CDH4: variants seen among roughly 807,000 people sequenced by gnomAD.
CDH4 encodes cadherin 4.
Under a neutral mutation model 86.0 loss-of-function variants are expected in CDH4, and 33 were observed. The ratio of observed to expected loss-of-function variants is 0.38; its 90% confidence interval spans 0.29 to 0.51. The LOEUF is 0.51. CDH4 is among the 20% of genes least tolerant of loss of function. The pLI is 0.86. For synonymous variants in CDH4, 555 were observed against 549.4 expected (o/e 1.01, Z -0.14); for missense variants, 1,114 against 1,307.4 (o/e 0.85, Z 2.28).
At chr20:61,608,710 C>T (rs918858668) in intron 2 of CDH4, among the ~76,000 whole-genome samples, 2 of 152,250 alleles carry the variant, frequency 1.3e-5, no homozygotes, top group African/African-American at 4.8e-5. Flanking sequence ...CCACCACCTG[C>T]ACTTCCTCAT....
At chr20:61,735,214 A>T (rs1226560004) in intron 2 of CDH4, among the ~76,000 whole-genome samples, 1 of 152,128 alleles carries the variant, frequency 6.6e-6, no homozygotes, top group Non-Finnish European at 1.5e-5. Context: ...GTGGGCACAG[A>T]GCTCAGGAGG....
intron 15 of CDH4, among the ~76,000 whole-genome samples, chr20:61,935,177 C>T (rs764327953): frequency 6.6e-6 from 1 of 152,212 alleles, no homozygotes; most frequent in Admixed American, 6.5e-5. Context: ...ACCTGCTCGC[C>T]GATGCCCACT....
chr20:61,389,822 C>T (rs1033332486), intron 2 of CDH4, among the ~76,000 whole-genome samples: 5 of 152,234 alleles, frequency 3.3e-5, no homozygotes, highest in African/African-American at 7.2e-5. Context: ...TGGGAAACCC[C>T]GATTGACATC....
chr20:61,330,422 A>T (rs1470003088), intron 2 of CDH4, among the ~76,000 whole-genome samples: 1 of 152,140 alleles, frequency 6.6e-6, no homozygotes, highest in East Asian at 1.9e-4. Context: ...CTGGCATGAG[A>T]TGGTATCTCA....
chr20:61,682,166 G>C (rs1460783025), intron 2 of CDH4, among the ~76,000 whole-genome samples: 1 of 152,140 alleles, frequency 6.6e-6, no homozygotes, highest in Non-Finnish European at 1.5e-5. Context: ...TGGACAGGTG[G>C]ATGGGTAGAT....
chr20:61,583,873 C>T (rs2007343), intron 2 of CDH4, among the ~76,000 whole-genome samples: 38,963 of 152,160 alleles, frequency 0.26, 5,405 homozygotes, highest in African/African-American at 0.36. Context: ...AAAATATTCA[C>T]TGGGGCAGGA....
At position 61,811,447 on chromosome 20, in the gene CDH4, A is replaced by G. The variant is rs1006095513; in HGVS notation, c.577-33221A>G. ...ATCTGAAGCAAGGAAAAAACAGCAG[A>G]CATCTATCTGTATGCTTTTGCCATG... On this transcript the variant is annotated intron_variant, in intron 4 of 15. Coordinates refer to ENST00000614565, the MANE Select transcript of CDH4 (RefSeq NM_001794.5). This position sits in a 1 kb window ranked among gnomAD's most constrained non-coding sequence, Gnocchi z 4.4. 6.6e-6 allele frequency among the ~76,000 whole-genome samples: 1 copy of G among 152,230 alleles called. No individual in the cohort carries two copies. Among genetic ancestry groups the G allele is most frequent in the Non-Finnish European group, 1.5e-5 (1 of 68,052 alleles).
intron 8 of CDH4, among the ~76,000 whole-genome samples, chr20:61,897,821 C>A (rs542657599): frequency 6.2e-4 from 95 of 152,362 alleles, no homozygotes; most frequent in Non-Finnish European, 1.0e-3. Flanking sequence ...GATCACGGGG[C>A]AGGGGAACGG....
intron 7 of CDH4, among the ~76,000 whole-genome samples, chr20:61,875,307 G>A (rs964715587): frequency 6.6e-6 from 1 of 152,220 alleles, no homozygotes; most frequent in African/African-American, 2.4e-5. Flanking sequence ...TGGTGCCCAG[G>A]GTAACACATG....
intron 7 of CDH4, among the ~76,000 whole-genome samples, chr20:61,885,808 A>C (rs1016654395): frequency 2.2e-4 from 34 of 152,290 alleles, no homozygotes; most frequent in African/African-American, 7.7e-4. Flanking sequence ...GTGCAGCCTG[A>C]GGATGAGACG....
chr20:61,857,597 C>T (rs1047439023), intron 6 of CDH4, among the ~76,000 whole-genome samples: 2 of 152,288 alleles, frequency 1.3e-5, no homozygotes, highest in African/African-American at 4.8e-5. Context: ...AGCCCTCACT[C>T]CGTCCACCCA....
chr20:61,390,203 C>T (rs1247711698), intron 2 of CDH4, among the ~76,000 whole-genome samples: 3 of 145,820 alleles, frequency 2.1e-5, no homozygotes, highest in African/African-American at 5.1e-5. Flanking sequence ...CGATTGAGAT[C>T]GTGCGGTCAT....
chr20:61,735,506 C>A (rs903219556), intron 2 of CDH4, among the ~76,000 whole-genome samples: 3 of 152,084 alleles, frequency 2.0e-5, no homozygotes, highest in African/African-American at 7.2e-5. Flanking sequence ...CCAATGCAGA[C>A]CCCCAAGGGG....
At chr20:61,777,307 G>A (rs1202295615) in intron 4 of CDH4, among the ~76,000 whole-genome samples, 1 of 152,168 alleles carries the variant, frequency 6.6e-6, no homozygotes, top group East Asian at 1.9e-4. Flanking sequence ...TGTTGTGCTG[G>A]GCACCCATCA....
At chr20:61,502,985 T>C (rs1157708177) in intron 2 of CDH4, among the ~76,000 whole-genome samples, 2 of 152,230 alleles carry the variant, frequency 1.3e-5, no homozygotes, top group African/African-American at 4.8e-5. Flanking sequence ...AAGATGATTA[T>C]GCCTAAATGA....
Position 61,544,807 on chromosome 20 carries a change from C to T in CDH4, c.170-198756C>T, listed in dbSNP as rs954994139. Among the ~76,000 whole-genome samples, 2 of 152,106 alleles carry T rather than the reference C, an allele frequency of 1.3e-5. No homozygotes were observed. The highest frequency in any genetic ancestry group is 2.4e-5 in the African/African-American group (1 of 41,428). ...CTCCCCCGACAGCCCTCCCTGCCCC[C>T]GAGGAAGGAACCTTGTTCCTCGGTT... On this transcript the variant is annotated intron_variant, in intron 2 of 15. Transcript: ENST00000614565. This position sits in a 1 kb window ranked among gnomAD's most constrained non-coding sequence, Gnocchi z 6.5.
intron 2 of CDH4, among the ~76,000 whole-genome samples, chr20:61,334,075 C>G (rs1489057362): frequency 6.6e-6 from 1 of 152,160 alleles, no homozygotes. Context: ...GCCTGTGCAG[C>G]TCTGGTCACC....
chr20:61,552,225 A>T (rs1418903283), intron 2 of CDH4, among the ~76,000 whole-genome samples: 1 of 152,272 alleles, frequency 6.6e-6, no homozygotes, highest in Non-Finnish European at 1.5e-5. Context: ...TTAATTGTAT[A>T]TATAAGAGTC....
Position 61,252,385 on chromosome 20 carries a change from C to T in CDH4, c.-129C>T, listed in dbSNP as rs1310255679. 6 of 292,690 alleles carry T rather than the reference C, an allele frequency of 2.0e-5. No homozygotes were observed. The highest frequency in any genetic ancestry group is 3.6e-4 in the East Asian group (2 of 5,570). The allele number at this position is 292,690 out of a possible 1,614,324, so 18.1% of individuals were successfully genotyped here. A position where few individuals can be genotyped will look rare whatever the true frequency, so the allele number is the denominator to read the frequency against. On this transcript the variant is annotated 5_prime_UTR_variant, in exon 1 of 16. Transcript: ENST00000614565. The surrounding 1 kb of genome is among the most constrained non-coding windows in gnomAD (Gnocchi z 4.4). ...GGCGGGCGCAGCGGGGCTGGAGGCT[C>T]CGGGCAGGCGCGGGGGAGCGGCGGC...
Sources: allele counts gnomAD v4.1 joint callset (sites outside exome capture counted in the v4.1 genomes callset), GRCh38; gene constraint gnomAD v4.1.1; non-coding constraint Gnocchi (gnomAD v3.1); transcripts MANE v1.5; gene names NCBI Gene and HGNC (gene_info 2026-07-23, HGNC 2026-07-21).